The following ROBO1 variants were observed in gnomAD, a reference collection of about 807,000 sequenced individuals.
ROBO1 encodes roundabout guidance receptor 1.
ROBO1 carries 149 observed loss-of-function variants against 195.9 expected under a neutral mutation model. The ratio of observed to expected loss-of-function variants is 0.76; its 90% confidence interval spans 0.67 to 0.87. ROBO1 has a LOEUF of 0.87. Ranked by LOEUF, ROBO1 falls within the 40% of genes least tolerant of loss-of-function variation. ROBO1 has a pLI of 0.00. For synonymous variants in ROBO1, 816 were observed against 733.2 expected, an observed-to-expected ratio of 1.11 and a Z score of -1.82; for missense variants, 1,933 against 2,068.3, an observed-to-expected ratio of 0.93 and a Z score of 1.27.
intron 3 of ROBO1, among the ~76,000 whole-genome samples, chr3:79,008,888 C>CGTGTGT (rs375134341): frequency 0.12 from 14,849 of 121,102 alleles, 1,274 homozygotes; most frequent in South Asian, 0.15. Context: ...TGCACCCAGC[C>CGTGTGT]GTGTGTGTGT....
At chr3:79,096,715 TAC>T (rs1231153876) in intron 3 of ROBO1, among the ~76,000 whole-genome samples, 11 of 150,730 alleles carry the variant, frequency 7.3e-5, no homozygotes, top group African/African-American at 2.4e-4. Flanking sequence ...TATGTATATA[TAC>T]ATATATAAAT....
At chr3:79,739,936 G>A (rs1207967077) in intron 1 of ROBO1, among the ~76,000 whole-genome samples, 1 of 151,980 alleles carries the variant, frequency 6.6e-6, no homozygotes, top group South Asian at 2.1e-4. Flanking sequence ...TCATGTATTA[G>A]AAATAAACTG....
At chr3:79,078,341 T>C (rs2079211928) in intron 3 of ROBO1, among the ~76,000 whole-genome samples, 1 of 151,810 alleles carries the variant, frequency 6.6e-6, no homozygotes, top group Non-Finnish European at 1.5e-5. Flanking sequence ...TCAATATATG[T>C]AGGTTGTACC....
chr3:79,161,836 C>T (rs897604376), intron 2 of ROBO1, among the ~76,000 whole-genome samples: 1 of 152,022 alleles, frequency 6.6e-6, no homozygotes, highest in Admixed American at 6.6e-5. Context: ...GCTTGGTACC[C>T]ATGGGCACTT....
At chr3:78,657,309 C>A in intron 17 of ROBO1, 40 bp from the exon 18 acceptor site, 1 of 1,601,324 alleles carries the variant, frequency 6.2e-7, no homozygotes, top group Non-Finnish European at 8.5e-7. Context: ...TGGTAAATTA[C>A]CTAAATGAAT....
rs540750967 is a variant in ROBO1 at position 78,672,289 on chromosome 3, G to C, written c.1343-1988C>G. ...AAAAACTATTATGTAAATCAGAGAT[G>C]AAAGATTTGGCCGGGCACTGGGGCT... is the stretch of plus-strand genomic sequence containing the variant. On this transcript the variant is annotated intron_variant, in intron 10 of 30. Transcript: ENST00000464233. Among the ~76,000 whole-genome samples the C allele has an allele frequency of 1.9e-3, 292 of 152,146 alleles. 2 individuals carry two copies. Among genetic ancestry groups the C allele is most frequent in the Non-Finnish European group, 3.5e-4 (24 of 67,982 alleles).
Position 79,498,785 on chromosome 3 carries a change from C to T in ROBO1, c.88+91039G>A, listed in dbSNP as rs1387694382. 2.0e-5 allele frequency among the ~76,000 whole-genome samples: 3 copies of T among 151,250 alleles called. No individual in the cohort carries two copies. The East Asian group carries it at 5.9e-4, about 30-fold the overall frequency. On this transcript the variant is annotated intron_variant, in intron 2 of 30. Transcript: ENST00000464233. The stretch of plus-strand genomic sequence containing the variant: ...AGGAGAATCACTTGAACCCGGGAGG[C>T]AGAGGTTGCAGTGATTGAGCCATTG...
At chr3:79,036,920 T>C (rs2078390403) in intron 3 of ROBO1, among the ~76,000 whole-genome samples, 1 of 152,186 alleles carries the variant, frequency 6.6e-6, no homozygotes, top group Admixed American at 6.5e-5. Context: ...AAGAGAAATG[T>C]TGCAGATTCT....
intron 1 of ROBO1, among the ~76,000 whole-genome samples, chr3:79,655,866 T>C (rs1208254588): frequency 6.6e-6 from 1 of 152,130 alleles, no homozygotes; most frequent in Non-Finnish European, 1.5e-5. Flanking sequence ...TTAAGGTTCT[T>C]ATTTGATGTA....
At chr3:78,620,498 G>C (rs754887459) in intron 26 of ROBO1, among the ~76,000 whole-genome samples, 27 of 151,912 alleles carry the variant, frequency 1.8e-4, no homozygotes, top group Non-Finnish European at 3.7e-4. Context: ...GGCGACAGAG[G>C]GAGACTCCGT....
At chr3:79,330,736 G>A (rs568712724) in intron 2 of ROBO1, among the ~76,000 whole-genome samples, 81 of 146,012 alleles carry the variant, frequency 5.5e-4, no homozygotes, top group African/African-American at 1.9e-3. Context: ...CTTGTTTTTC[G>A]TAGAAATATA....
intron 1 of ROBO1, among the ~76,000 whole-genome samples, chr3:79,636,035 A>G (rs1307349691): frequency 6.6e-6 from 1 of 152,048 alleles, no homozygotes; most frequent in Non-Finnish European, 1.5e-5. Context: ...TCTCGCCACC[A>G]TTATTTATTT....
At chr3:78,979,990 T>G (rs2076958494) in intron 3 of ROBO1, among the ~76,000 whole-genome samples, 2 of 152,144 alleles carry the variant, frequency 1.3e-5, no homozygotes. Context: ...TTCCTTATAT[T>G]TATTAAAACG....
intron 1 of ROBO1, among the ~76,000 whole-genome samples, chr3:79,672,274 C>T (rs1241656905): frequency 6.6e-6 from 1 of 151,812 alleles, no homozygotes; most frequent in Non-Finnish European, 1.5e-5. Flanking sequence ...CACACTAACA[C>T]CTTTTAACCT....
intron 4 of ROBO1, among the ~76,000 whole-genome samples, chr3:78,912,625 A>T (rs2038314423): frequency 6.6e-6 from 1 of 152,156 alleles, no homozygotes; most frequent in South Asian, 2.1e-4. Flanking sequence ...GAAACCTTGC[A>T]CAAGCTATAG....
At chr3:79,055,784 C>T (rs1026003265) in intron 3 of ROBO1, among the ~76,000 whole-genome samples, 1 of 152,052 alleles carries the variant, frequency 6.6e-6, no homozygotes, top group African/African-American at 2.4e-5. Context: ...TTAGGTTACC[C>T]TTTTTAATGG....
chr3:79,444,131 T>C (rs564888823), intron 2 of ROBO1, among the ~76,000 whole-genome samples: 1 of 152,242 alleles, frequency 6.6e-6, no homozygotes, highest in African/African-American at 2.4e-5. Flanking sequence ...ACAAATTACA[T>C]AAATATATTG....
intron 2 of ROBO1, among the ~76,000 whole-genome samples, chr3:79,416,357 GC>G (rs1378741487): frequency 6.6e-6 from 1 of 151,496 alleles, no homozygotes; most frequent in Non-Finnish European, 1.5e-5. Flanking sequence ...TGTAATCCTG[GC>G]ACTTTGAGGC....
intron 2 of ROBO1, among the ~76,000 whole-genome samples, chr3:79,219,529 C>T (rs2082103614): frequency 1.3e-5 from 2 of 151,958 alleles, no homozygotes; most frequent in South Asian, 2.1e-4. Flanking sequence ...TAAACCTCTC[C>T]TGGGATTCAA....
Sources: gnomAD v4.1 joint callset for allele counts (sites outside exome capture counted in the v4.1 genomes callset) on GRCh38, gnomAD v4.1.1 for gene constraint, MANE v1.5 for transcripts, NCBI Gene and HGNC (gene_info 2026-07-23, HGNC 2026-07-21) for gene names.